Variants in TTN observed in about 807,000 individuals in gnomAD.
TTN encodes titin.
Under a neutral mutation model 3,223.0 loss-of-function variants are expected in TTN, and 1,525 were observed. The observed-to-expected ratio is 0.47, with a 90% CI of 0.45 to 0.49. The LOEUF (loss-of-function observed/expected upper bound fraction) is 0.49. TTN is among the 20% of genes least tolerant of loss of function. TTN has a pLI of 0.00. For missense variants in TTN, 40,786 were observed against 43,424.0 expected (o/e 0.94, Z 5.40); for synonymous variants, 14,094 against 15,161.0 (o/e 0.93, Z 5.17).
rs146483596 is a variant in TTN, at chr2:178,574,791, C to T, written c.71341G>A (p.Val23781Ile). The T allele has an allele frequency of 3.5e-5, 57 of 1,611,924 alleles. No individual in the cohort carries two copies. Among genetic ancestry groups the T allele is most frequent in the African/African-American group, 1.6e-4 (12 of 74,994 alleles). Residue 23781 changes from valine to isoleucine, a missense_variant, in exon 326 of 363, where the codon GTT (valine) becomes ATT (isoleucine). Coordinates refer to ENST00000589042, the MANE Select transcript of TTN (RefSeq NM_001267550.2). ...GTGGCTTTATAGGTAGTACGTATAA[C>T]GGTGGTTGCTAACTCAACCCAGGTA... ...STTWVELATT[V>I]IRTTYKATRL...
Position 178,565,501 on chromosome 2 carries a change from A to G in TTN, c.80631T>C (p.Thr26877=). Residue 26877 remains threonine, a synonymous_variant, in exon 326 of 363, where the codon ACT becomes ACC. Coordinates refer to ENST00000589042, the MANE Select transcript of TTN (RefSeq NM_001267550.2). ...ATGGTAACTTTAAACTAGGCTGTATAGTCAAGTCCTTGGCTATGACAGGAA... is the reference window on the plus strand; with the variant it reads ...ATGGTAACTTTAAACTAGGCTGTATGGTCAAGTCCTTGGCTATGACAGGAA... ...LGVPVIAKDL[T]IQPSLKLPFN... is the part of the protein sequence containing the mutation. The G allele has an allele frequency of 6.2e-7, 1 of 1,613,460 alleles. No individual in the cohort carries two copies. Among genetic ancestry groups the G allele is most frequent in the Non-Finnish European group, 8.5e-7 (1 of 1,179,610 alleles).
Position 178,720,465 on chromosome 2 carries a change from G to T in TTN, c.23297C>A (p.Ala7766Asp). ...GCAGTGATATTCCCCGACATCGGAG[G>T]CTTCAAGATTAAGGATATGAAGACT... The part of the protein sequence containing the change: ...DTSLHILNLE[A>D]SDVGEYHCKA... Residue 7766 changes from alanine (A) to aspartate (D), a missense_variant, in exon 80 of 363, where the codon GCC (alanine) becomes GAC (aspartate). By Grantham distance (126) the Ala-to-Asp change is moderately radical. Coordinates refer to ENST00000589042, the MANE Select transcript of TTN (RefSeq NM_001267550.2). 1.9e-6 allele frequency: 3 copies of T among 1,613,702 alleles called. No homozygotes were observed. Among genetic ancestry groups the T allele is most frequent in the Non-Finnish European group, 8.5e-7 (1 of 1,179,670 alleles).
chr2:178,731,018 T>G lies in TTN; in HGVS notation c.17647A>C (p.Ile5883Leu), dbSNP rs1468000752. The G allele has an allele frequency of 2.5e-6, 4 of 1,613,650 alleles. No homozygotes were observed. The East Asian group carries it at 8.9e-5, about 36-fold the overall frequency. ...CCACTATCTTTCTTTTCTGTAGAAATAATCTTCAGTATTGAGACTGTATCA... is the reference window on the plus strand; with the variant it reads ...CCACTATCTTTCTTTTCTGTAGAAAGAATCTTCAGTATTGAGACTGTATCA... Reference protein sequence around the residue: ...VTDTVSILKIISTEKKDSGEY... With the variant: ...VTDTVSILKILSTEKKDSGEY... Residue 5883 changes from isoleucine (I) to leucine (L), a missense_variant, in exon 60 of 363, where the codon ATT (isoleucine) becomes CTT (leucine). Ile to Leu is a conservative substitution (Grantham distance 5). Coordinates refer to ENST00000589042, the MANE Select transcript of TTN (RefSeq NM_001267550.2).
chr2:178,685,168 A>G (rs1286648122), intron 129 of TTN, 85 bp downstream of exon 129: 3 of 1,241,776 alleles, frequency 2.4e-6, no homozygotes, highest in Non-Finnish European at 2.3e-6. Flanking sequence ...GCAAATTGTT[A>G]TGCATAAGAC....
At position 178,615,748 on chromosome 2, in the gene TTN, T is replaced by A; in HGVS notation, c.48353A>T (p.Asp16118Val). The A allele has an allele frequency of 6.2e-7, 1 of 1,612,042 alleles. No homozygotes were observed. The highest frequency in any genetic ancestry group is 8.5e-7 in the Non-Finnish European group (1 of 1,178,766). The change falls in exon 258 of 363, where the codon GAT becomes GTT. Residue 16118 changes from aspartate (D) to valine (V), a missense_variant. By Grantham distance (152) the Asp-to-Val change is radical. Coordinates refer to ENST00000589042, the MANE Select transcript of TTN (RefSeq NM_001267550.2). The part of the protein sequence containing the change: ...FVTDLEFTVP[D>V]LVQGKEYLFK... ...TAAGTACTCTTTTCCTTGAACAAGA[T>A]CAGGAACTGTGAATTCTAGATCAGT...
Position 178,554,110 on chromosome 2 carries a change from G to A in TTN, c.89001C>T (p.Gly29667=). Residue 29667 remains glycine, a synonymous_variant, in exon 333 of 363, where the codon GGC becomes GGT. Coordinates refer to ENST00000589042, the MANE Select transcript of TTN (RefSeq NM_001267550.2). ...PIADGGSDIS[G]YFLEKRDKKS... is the part of the protein sequence containing the mutation. ...TCTTGTCTCGTTTTTCAAGGAAATA[G>A]CCACTTATATCACTACCGCCATCTG... 2 of 1,613,816 alleles carry A rather than the reference G, an allele frequency of 1.2e-6. No homozygotes were observed. The highest frequency in any genetic ancestry group is 1.7e-6 in the Non-Finnish European group (2 of 1,179,826).
rs2076355326 is a variant in TTN at position 178,709,555 on chromosome 2, G to GGATAACTCACCTTTGATGAC, written c.28744_28753+10dup. ...AAAACACAACAGGTTGGGGCTGTGA[G>GGATAACTCACCTTTGATGAC]GATAACTCACCTTTGATGACGATTG... On this transcript the variant is annotated intron_variant, in intron 99 of 362. Transcript: ENST00000589042. The GGATAACTCACCTTTGATGAC allele has an allele frequency of 6.3e-7, 1 of 1,599,032 alleles. No homozygotes were observed. The highest frequency in any genetic ancestry group is 1.3e-5 in the African/African-American group (1 of 74,752).
Position 178,549,470 on chromosome 2 carries a change from A to T in TTN, c.92156T>A (p.Val30719Asp). 6.2e-7 allele frequency: 1 copy of T among 1,600,898 alleles called. No homozygotes were observed. The highest frequency in any genetic ancestry group is 2.2e-5 in the East Asian group (1 of 44,644). The change falls in exon 339 of 363, where the codon GTT becomes GAT. Residue 30719 changes from valine to aspartate, a missense_variant. By Grantham distance (152) the Val-to-Asp change is radical (BLOSUM62 -3). Coordinates refer to ENST00000589042, the MANE Select transcript of TTN (RefSeq NM_001267550.2). Reference sequence around the variant, plus strand: ...TTCTGGAATGCCAGGGGCATCAGGAACAGCTGTAAAACAAAAACAAAACCC... The same window carrying T: ...TTCTGGAATGCCAGGGGCATCAGGATCAGCTGTAAAACAAAAACAAAACCC... ...DPVVAQIQYT[V>D]PDAPGIPEPS...
chr2:178,714,427 T>C lies in TTN; in HGVS notation c.26347A>G (p.Ile8783Val), dbSNP rs2077150875. 7 of 1,613,804 alleles carry C rather than the reference T, an allele frequency of 4.3e-6. No individual in the cohort carries two copies. The highest frequency in any genetic ancestry group is 2.2e-5 in the South Asian group (2 of 91,082). Reference protein sequence around the residue: ...KGEIVRESDNIWISYSENIAT... With the variant: ...KGEIVRESDNVWISYSENIAT... ...ATGTTTTCTGAATAAGAAATCCATA[T>C]GTTGTCACTTTCTCTAACGATTTCT... Residue 8783 changes from isoleucine to valine, a missense_variant, in exon 91 of 363, where the codon ATA (isoleucine) becomes GTA (valine). Physicochemically the swap from Ile to Val is conservative, Grantham distance 29 (BLOSUM62 3). Transcript: ENST00000589042.
At position 178,723,186 on chromosome 2, in the gene TTN, T is replaced by C; in HGVS notation, c.21821A>G (p.Glu7274Gly). 2.5e-6 allele frequency: 4 copies of C among 1,613,554 alleles called. No individual in the cohort carries two copies. Among genetic ancestry groups the C allele is most frequent in the Non-Finnish European group, 2.5e-6 (3 of 1,179,642 alleles). Reference protein sequence around the residue: ...KKDGFNITTSEKCNIVTTEKT... With the variant: ...KKDGFNITTSGKCNIVTTEKT... ...CTCTGTTGTGACTATGTTACATTTT[T>C]CAGAGGTAGTTATGTTAAAACCATC... Residue 7274 changes from glutamate (E) to glycine (G), a missense_variant, in exon 75 of 363, where the codon GAA becomes GGA. Physicochemically the swap from Glu to Gly is moderately conservative, Grantham distance 98. Transcript: ENST00000589042.
intron 6 of TTN, among the ~76,000 whole-genome samples, chr2:178,795,894 A>G (rs1561477428): frequency 6.6e-6 from 1 of 152,216 alleles, no homozygotes. Flanking sequence ...GTTTGTGGAC[A>G]GCTACTTTTA....
rs775762346 is a variant in TTN, at chr2:178,544,262, G to A, written c.95967C>T (p.Asn31989=). 1.5e-5 allele frequency: 25 copies of A among 1,613,600 alleles called. No individual in the cohort carries two copies. Among genetic ancestry groups the A allele is most frequent in the South Asian group, 3.3e-5 (3 of 91,080 alleles). The change falls in exon 345 of 363, where the codon AAC becomes AAT. Residue 31989 remains asparagine (N), a synonymous_variant. Coordinates refer to ENST00000589042, the MANE Select transcript of TTN (RefSeq NM_001267550.2). The part of the protein sequence containing the change: ...QKYSFRVAAV[N]VKGMSEYSES... Reference sequence around the variant, plus strand: ...CGCTGTATTCGCTCATACCCTTCACGTTCACGGCAGCAACTCTGAAGGAAT... The same window carrying A: ...CGCTGTATTCGCTCATACCCTTCACATTCACGGCAGCAACTCTGAAGGAAT...
At position 178,623,865 on chromosome 2, in the gene TTN, A is replaced by G. The variant is rs574054275; in HGVS notation, c.44815+600T>C. On this transcript the variant is annotated intron_variant, in intron 242 of 362. Coordinates refer to ENST00000589042, the MANE Select transcript of TTN (RefSeq NM_001267550.2). ...TTTCACCAGAGGAAGAAGTAATGTT[A>G]AAAACCATTAGAGTTCTCTTCATTC... Among the ~76,000 whole-genome samples the G allele has an allele frequency of 2.6e-5, 4 of 152,126 alleles. No homozygotes were observed. The East Asian group carries it at 5.8e-4, about 22-fold the overall frequency.
Position 178,589,278 on chromosome 2 carries a change from G to A in TTN, c.62447C>T (p.Pro20816Leu). 1 of 1,613,412 alleles carries A rather than the reference G, an allele frequency of 6.2e-7. No homozygotes were observed. ...AGCACGGGTATCAATCTTGACCCTT[G>A]GTGATCTTGTTAAGTCTGTAGCGTC... ...DKDATDLTRSPRVKIDTRADS... is the reference protein window; with the variant it reads ...DKDATDLTRSLRVKIDTRADS... Residue 20816 changes from proline (P) to leucine (L), a missense_variant, in exon 304 of 363, where the codon CCA (proline) becomes CTA (leucine). Transcript: ENST00000589042.
Position 178,713,300 on chromosome 2 carries a change from A to G in TTN, c.26834T>C (p.Met8945Thr). Residue 8945 changes from methionine to threonine, a missense_variant, in exon 93 of 363, where the codon ATG becomes ACG. Coordinates refer to ENST00000589042, the MANE Select transcript of TTN (RefSeq NM_001267550.2). ...AGGTGACCCATAGACTTTACACTCC[A>G]TTACAACTGAGGAGCCGGATAGACC... The part of the protein sequence containing the change: ...TNGLSGSSVV[M>T]ECKVYGSPPI... 1.3e-6 allele frequency: 2 copies of G among 1,598,766 alleles called. No individual in the cohort carries two copies. Among genetic ancestry groups the G allele is most frequent in the Non-Finnish European group, 8.5e-7 (1 of 1,171,578 alleles).
At position 178,728,340 on chromosome 2, in the gene TTN, C is replaced by G. The variant is rs182633829; in HGVS notation, c.19484G>C (p.Gly6495Ala). Residue 6495 changes from glycine (G) to alanine (A), a missense_variant, in exon 67 of 363, where the codon GGC (glycine) becomes GCC (alanine). Physicochemically the swap from Gly to Ala is moderately conservative, Grantham distance 60. Transcript: ENST00000589042. The stretch of plus-strand genomic sequence containing the variant: ...CTTGCACTCCATATGAATAGAAGAG[C>G]CCAGAACTTTATCCATTTTGGTTAA... Reference protein sequence around the residue: ...KKLTKMDKVLGSSIHMECKVS... With the variant: ...KKLTKMDKVLASSIHMECKVS... The G allele has an allele frequency of 1.9e-6, 3 of 1,608,974 alleles. No individual in the cohort carries two copies. The East Asian group carries it at 6.7e-5, about 36-fold the overall frequency.
Position 178,583,822 on chromosome 2 carries a change from C to T in TTN, c.65360G>A (p.Ser21787Asn), listed in dbSNP as rs1290046297. Reference protein sequence around the residue: ...IWARPKHDGGSKIIGYFVEAC... With the variant: ...IWARPKHDGGNKIIGYFVEAC... ...TTCTACGAAATAGCCAATAATTTTA[C>T]TGCCTCCATCATGCTTTGGACGAGC... Residue 21787 changes from serine to asparagine, a missense_variant, in exon 312 of 363, where the codon AGT becomes AAT. Transcript: ENST00000589042. The T allele has an allele frequency of 6.2e-7, 1 of 1,609,680 alleles. No homozygotes were observed. The highest frequency in any genetic ancestry group is 1.3e-5 in the African/African-American group (1 of 74,818).
chr2:178,561,770 G>T lies in TTN; in HGVS notation c.84362C>A (p.Thr28121Lys), dbSNP rs397517726. The change falls in exon 326 of 363, where the codon ACA becomes AAA. Residue 28121 changes from threonine to lysine, a missense_variant. Thr to Lys is a moderately conservative substitution (Grantham distance 78). Coordinates refer to ENST00000589042, the MANE Select transcript of TTN (RefSeq NM_001267550.2). ...AACACGGAACTGATACTCACTTCCT[G>T]TTGTCAGGCGAACTATTTTAATGGA... ...RTSIKIVRLTTGSEYQFRVCA... is the reference protein window; with the variant it reads ...RTSIKIVRLTKGSEYQFRVCA... 17 of 1,613,534 alleles carry T rather than the reference G, an allele frequency of 1.1e-5. No individual in the cohort carries two copies. In the Admixed American group the frequency reaches 1.8e-4, roughly 17 times the overall value.
At chr2:178,677,342 A>ATG (rs2068317911) in intron 146 of TTN, 55 bp from the exon 147 acceptor site, 5 of 453,516 alleles carry the variant, frequency 1.1e-5, no homozygotes, top group Non-Finnish European at 1.5e-5. Flanking sequence ...GGTCATATAT[A>ATG]TATATATATA....
Sources: gnomAD v4.1 joint callset for allele counts (sites outside exome capture counted in the v4.1 genomes callset) on GRCh38, gnomAD v4.1.1 for gene constraint, MANE v1.5 for transcripts, NCBI Gene and HGNC (gene_info 2026-07-23, HGNC 2026-07-21) for gene names.